The following DSC2 variants were observed in gnomAD, a reference collection of about 807,000 sequenced individuals.
DSC2 encodes desmocollin-2.
DSC2 carries 51 observed loss-of-function variants against 87.6 expected under a neutral mutation model. The observed-to-expected ratio is 0.58, with a 90% CI of 0.46 to 0.74. The LOEUF is 0.74. DSC2 is among the 30% of genes least tolerant of loss of function. The probability of loss-of-function intolerance (pLI) is 0.00; values close to 1 mark genes in which losing one functional copy is unlikely to be tolerated. For synonymous variants in DSC2, 383 were observed against 393.2 expected, an observed-to-expected ratio of 0.97 and a Z score of 0.31; for missense variants, 1,066 against 1,089.5, an observed-to-expected ratio of 0.98 and a Z score of 0.30.
intron 1 of DSC2, among the ~76,000 whole-genome samples, chr18:31,098,772 T>C (rs1386470002): frequency 3.3e-5 from 5 of 152,164 alleles, no homozygotes; most frequent in African/African-American, 4.8e-5. Flanking sequence ...ACACTTTTAT[T>C]TGTCAATCCC....
chr18:31,084,975 T>C (rs374430059), intron 7 of DSC2, among the ~76,000 whole-genome samples: 2 of 152,102 alleles, frequency 1.3e-5, no homozygotes, highest in African/African-American at 2.4e-5. Context: ...ATGCACAATA[T>C]AGAATGATGT....
Position 31,102,076 on chromosome 18 carries a change from A to G in DSC2, c.-105T>C, listed in dbSNP as rs866273152. The G allele has an allele frequency of 1.7e-5, 17 of 1,006,546 alleles. 2 individuals are homozygous for G. In the South Asian group the frequency reaches 3.5e-4, roughly 21 times the overall value. The allele number at this position is 1,006,546 out of a possible 1,614,324, so 62.4% of individuals were successfully genotyped here. On this transcript the variant is annotated 5_prime_UTR_variant, in exon 1 of 16. Coordinates refer to ENST00000280904, the MANE Select transcript of DSC2 (RefSeq NM_024422.6). ...GCGCAGTCTGGGCCCGCTGCTCAGG[A>G]GGAGCGCGAGGCGGAGGAGGTGGGG...
chr18:31,088,083 A>G (rs1471902679), intron 5 of DSC2, among the ~76,000 whole-genome samples: 3 of 152,172 alleles, frequency 2.0e-5, no homozygotes, highest in African/African-American at 2.4e-5. Context: ...GTTATTCATG[A>G]GTGTAACAAT....
intron 1 of DSC2, 51 bp from the exon 2 acceptor site, chr18:31,093,694 T>G (rs1476123685): frequency 9.2e-7 from 1 of 1,081,150 alleles, no homozygotes; most frequent in Non-Finnish European, 1.3e-6. Context: ...AAGAAAACTT[T>G]AATGTGTATA....
At position 31,067,316 on chromosome 18, in the gene DSC2, G is replaced by C. The variant is rs1274018657; in HGVS notation, c.*699C>G. The C allele has an allele frequency of 6.6e-6, 1 of 150,758 alleles. No individual in the cohort carries two copies. The highest frequency in any genetic ancestry group is 1.5e-5 in the Non-Finnish European group (1 of 67,742). 9.3% of individuals were successfully genotyped at this position (150,758 alleles called of 1,614,324 possible). On this transcript the variant is annotated 3_prime_UTR_variant, in exon 16 of 16. Coordinates refer to ENST00000280904, the MANE Select transcript of DSC2 (RefSeq NM_024422.6). ...AGAGAGAAAGAGAGAGATGCTACTTGACATTTTAAAGACCAAAAACTTGCA... is the reference window on the plus strand; with the variant it reads ...AGAGAGAAAGAGAGAGATGCTACTTCACATTTTAAAGACCAAAAACTTGCA...
intron 1 of DSC2, among the ~76,000 whole-genome samples, chr18:31,098,630 T>A (rs931271132): frequency 6.6e-6 from 1 of 152,066 alleles, no homozygotes; most frequent in African/African-American, 2.4e-5. Flanking sequence ...AATTTTTGTA[T>A]TTTTTGTAGA....
chr18:31,072,378 G>T (rs2144792933), intron 12 of DSC2, among the ~76,000 whole-genome samples: 1 of 152,302 alleles, frequency 6.6e-6, no homozygotes, highest in East Asian at 1.9e-4. Flanking sequence ...GAGTCACACA[G>T]CTGCAGCTGC....
chr18:31,094,486 T>C (rs1055285511), intron 1 of DSC2, among the ~76,000 whole-genome samples: 3 of 152,226 alleles, frequency 2.0e-5, no homozygotes, highest in South Asian at 4.1e-4. Context: ...CAATGCAACA[T>C]ATACGTAAAC....
At chr18:31,074,009 G>A (rs1986919971) in intron 12 of DSC2, among the ~76,000 whole-genome samples, 1 of 152,222 alleles carries the variant, frequency 6.6e-6, no homozygotes, top group African/African-American at 2.4e-5. Context: ...GAGGCCATCA[G>A]CACCTTCCGG....
chr18:31,092,004 A>C, intron 3 of DSC2, 97 bp downstream of exon 3: 5 of 1,335,400 alleles, frequency 3.7e-6, no homozygotes, highest in Non-Finnish European at 5.2e-6. Flanking sequence ...TTTAAGCCAA[A>C]CTATACCATA....
rs767412442 is a variant in DSC2, at chr18:31,063,467, T to C, written c.*4548A>G. 6.6e-6 allele frequency: 1 copy of C among 152,168 alleles called. No individual in the cohort carries two copies. Among genetic ancestry groups the C allele is most frequent in the Non-Finnish European group, 1.5e-5 (1 of 68,032 alleles). 9.4% of individuals were successfully genotyped at this position (152,168 alleles called of 1,614,324 possible). A position where few individuals can be genotyped will look rare whatever the true frequency, so the allele number is the denominator to read the frequency against. Reference sequence around the variant, plus strand: ...TGTAGATGAAAACTTTACAGCCATGTGCTCTAGACACACAAATGTCTAGGC... The same window carrying C: ...TGTAGATGAAAACTTTACAGCCATGCGCTCTAGACACACAAATGTCTAGGC... On this transcript the variant is annotated 3_prime_UTR_variant, in exon 16 of 16. Transcript: ENST00000280904.
chr18:31,083,594 A>C (rs1987304632), intron 7 of DSC2, among the ~76,000 whole-genome samples: 1 of 152,204 alleles, frequency 6.6e-6, no homozygotes, highest in Admixed American at 6.5e-5. Flanking sequence ...TTTTAACAAA[A>C]CAATAAAATG....
At position 31,067,804 on chromosome 18, in the gene DSC2, A is replaced by G. The variant is rs1412183082; in HGVS notation, c.*211T>C. Reference sequence around the variant, plus strand: ...CTCTGTAGACCTCCTTGGATAGAAGATAAGTAATTTAAAAATATGTAAAAA... The same window carrying G: ...CTCTGTAGACCTCCTTGGATAGAAGGTAAGTAATTTAAAAATATGTAAAAA... On this transcript the variant is annotated 3_prime_UTR_variant, in exon 16 of 16. Coordinates refer to ENST00000280904, the MANE Select transcript of DSC2 (RefSeq NM_024422.6). 13 of 553,230 alleles carry G rather than the reference A, an allele frequency of 2.3e-5. No individual in the cohort carries two copies. Among genetic ancestry groups the G allele is most frequent in the Middle Eastern group, 9.8e-4 (2 of 2,038 alleles). The allele number at this position is 553,230 out of a possible 1,614,324, so 34.3% of individuals were successfully genotyped here.
chr18:31,100,878 T>A (rs752609400), intron 1 of DSC2, among the ~76,000 whole-genome samples: 1 of 152,124 alleles, frequency 6.6e-6, no homozygotes, highest in African/African-American at 2.4e-5. Flanking sequence ...GGACTTTTTA[T>A]ATCCCCAATT....
At chr18:31,070,354 T>A (rs1029479942) in intron 14 of DSC2, among the ~76,000 whole-genome samples, 3 of 152,232 alleles carry the variant, frequency 2.0e-5, no homozygotes, top group African/African-American at 7.2e-5. Context: ...AGTGATTTTA[T>A]TGTTGCCAGA....
chr18:31,102,105 G>A lies in DSC2; in HGVS notation c.-134C>T. ...GCGCGAGGCGGAGGAGGTGGGGCGC[G>A]CGGAGAGGTGCTTTTCTTAGCTTCT... On this transcript the variant is annotated 5_prime_UTR_variant, in exon 1 of 16. Transcript: ENST00000280904. The A allele has an allele frequency of 2.9e-6, 2 of 693,320 alleles. No individual in the cohort carries two copies. The highest frequency in any genetic ancestry group is 2.2e-6 in the Non-Finnish European group (1 of 461,066). 42.9% of individuals were successfully genotyped at this position (693,320 alleles called of 1,614,324 possible). A position where few individuals can be genotyped will look rare whatever the true frequency, so the allele number is the denominator to read the frequency against.
intron 9 of DSC2, among the ~76,000 whole-genome samples, chr18:31,081,182 T>A (rs2144816364): frequency 6.6e-6 from 1 of 152,160 alleles, no homozygotes; most frequent in African/African-American, 2.4e-5. Flanking sequence ...GAGAAAAAAA[T>A]GGGTAAATTT....
rs371088991 is a variant in DSC2 at position 31,087,515 on chromosome 18, GCATCA to G, written c.775+149_775+153del. ...TTGCCAAGATTAGGAAATTTGCCAA[GCATCA>G]CACAGCTAGTGAAACACAGAGTAAA... On this transcript the variant is annotated intron_variant, in intron 6 of 15. Coordinates refer to ENST00000280904, the MANE Select transcript of DSC2 (RefSeq NM_024422.6). Among the ~76,000 whole-genome samples the G allele has an allele frequency of 2.3e-3, 347 of 152,282 alleles. 1 individual carries two copies. Among genetic ancestry groups the G allele is most frequent in the African/African-American group, 7.8e-3 (326 of 41,568 alleles).
chr18:31,101,247 A>G, intron 1 of DSC2: 1 of 985,316 alleles, frequency 1.0e-6, no homozygotes, highest in Non-Finnish European at 1.2e-6. Flanking sequence ...GACAGTCCTC[A>G]GGAGCAAAGG....
Sources: allele counts gnomAD v4.1 joint callset (sites outside exome capture counted in the v4.1 genomes callset), GRCh38; gene constraint gnomAD v4.1.1; transcripts MANE v1.5; gene names NCBI Gene and HGNC (gene_info 2026-07-23, HGNC 2026-07-21).